The following AOPEP variants were observed in gnomAD, a reference collection of about 807,000 sequenced individuals.
AOPEP encodes the protein aminopeptidase O.
A neutral mutation model predicts 98.1 loss-of-function variants in AOPEP; 77 were observed. The ratio of observed to expected loss-of-function variants is 0.78; its 90% CI spans 0.65 to 0.95. AOPEP has a LOEUF of 0.95. Ranked by LOEUF, AOPEP falls within the 40% of genes least tolerant of loss-of-function variation. The pLI, the probability that AOPEP is intolerant of heterozygous loss-of-function variation, is 0.00. For missense variants in AOPEP, 1,024 were observed against 1,024.7 expected, an observed-to-expected ratio of 1.00 and a Z score of 0.01; for synonymous variants, 346 against 365.3, an observed-to-expected ratio of 0.95 and a Z score of 0.60.
intron 2 of AOPEP, among the ~76,000 whole-genome samples, chr9:94,770,907 A>T (rs1840716675): frequency 6.6e-6 from 1 of 152,150 alleles, no homozygotes. Flanking sequence ...GGGGTTGTAA[A>T]TATTGGAGGC....
chr9:94,898,031 G>A (rs1375864300), intron 5 of AOPEP, among the ~76,000 whole-genome samples: 1 of 151,726 alleles, frequency 6.6e-6, no homozygotes, highest in Non-Finnish European at 1.5e-5. Context: ...GTAAAGATGG[G>A]GTTTCACCAT....
chr9:94,757,883 A>G (rs1242740670), intron 1 of AOPEP, among the ~76,000 whole-genome samples: 1 of 152,210 alleles, frequency 6.6e-6, no homozygotes. Context: ...TTCTGATTAC[A>G]TAGAAATAGC....
chr9:95,102,486 T>C, the AOPEP span, among the ~76,000 whole-genome samples: 2 of 152,148 alleles, frequency 1.3e-5, no homozygotes, highest in African/African-American at 4.8e-5. Flanking sequence ...AATTTAGCTG[T>C]GTGGGGAATT....
chr9:95,056,075 A>G (rs2066790978), intron 13 of AOPEP, among the ~76,000 whole-genome samples: 2 of 152,208 alleles, frequency 1.3e-5, no homozygotes, highest in African/African-American at 4.8e-5. Context: ...TTGAAGTGAC[A>G]TCATATGTAT....
At chr9:95,124,969 T>C in the AOPEP span, 1 of 882,008 alleles carries the variant, frequency 1.1e-6, no homozygotes, top group Non-Finnish European at 1.8e-6. Flanking sequence ...TAGGAACCTT[T>C]CTTTGTGAGC....
chr9:94,951,035 A>C (rs929727546), intron 7 of AOPEP, among the ~76,000 whole-genome samples: 8 of 152,236 alleles, frequency 5.3e-5, no homozygotes, highest in African/African-American at 1.9e-4. Context: ...GTGGAAAAGG[A>C]AGGCGTGGGG....
chr9:94,967,470 T>C (rs976153571), intron 9 of AOPEP, among the ~76,000 whole-genome samples: 6 of 152,176 alleles, frequency 3.9e-5, no homozygotes, highest in African/African-American at 1.4e-4. Flanking sequence ...GGCCAGCCTT[T>C]TGAAAATGGC....
At chr9:94,976,999 G>A (rs2059890542) in intron 10 of AOPEP, among the ~76,000 whole-genome samples, 1 of 152,166 alleles carries the variant, frequency 6.6e-6, no homozygotes, top group Non-Finnish European at 1.5e-5. Context: ...GCTTTCCTGA[G>A]GATCGCTTGA....
chr9:94,981,716 T>G (rs569085104), intron 11 of AOPEP, among the ~76,000 whole-genome samples: 5 of 152,250 alleles, frequency 3.3e-5, no homozygotes, highest in African/African-American at 1.2e-4. Context: ...TCCCCATCAT[T>G]ATAATATAAA....
At chr9:94,834,772 A>G (rs1360716823) in intron 5 of AOPEP, among the ~76,000 whole-genome samples, 3 of 152,026 alleles carry the variant, frequency 2.0e-5, no homozygotes, top group African/African-American at 7.3e-5. Flanking sequence ...CAGCCTGGGC[A>G]ACAGAGCGAG....
intron 1 of AOPEP, among the ~76,000 whole-genome samples, chr9:94,730,701 G>T (rs935987098): frequency 6.6e-6 from 1 of 152,100 alleles, no homozygotes; most frequent in African/African-American, 2.4e-5. Flanking sequence ...GGATGAAATA[G>T]TTGCCTAAAT....
intron 5 of AOPEP, among the ~76,000 whole-genome samples, chr9:94,859,483 A>G (rs911726072): frequency 2.6e-5 from 4 of 152,124 alleles, no homozygotes; most frequent in African/African-American, 9.7e-5. Flanking sequence ...CTAACTCAAG[A>G]TCCTTATTAA....
chr9:95,070,829 T>C (rs1213297436), intron 14 of AOPEP, among the ~76,000 whole-genome samples: 2 of 152,224 alleles, frequency 1.3e-5, no homozygotes, highest in Admixed American at 1.3e-4. Context: ...AACTAGGAGA[T>C]GTGGACGCGT....
At chr9:94,765,717 AT>A (rs1198733245) in intron 2 of AOPEP, among the ~76,000 whole-genome samples, 2 of 152,166 alleles carry the variant, frequency 1.3e-5, no homozygotes, top group African/African-American at 4.8e-5. Flanking sequence ...AGAAGAAAAC[AT>A]ATTTGAAGCT....
chr9:94,836,840 T>C (rs1588467047), intron 5 of AOPEP, among the ~76,000 whole-genome samples: 1 of 152,226 alleles, frequency 6.6e-6, no homozygotes. Flanking sequence ...TGCTTTATAA[T>C]TAGAACTAAT....
chr9:94,819,977 G>A (rs1309619994), intron 5 of AOPEP, among the ~76,000 whole-genome samples: 1 of 125,552 alleles, frequency 8.0e-6, no homozygotes, highest in East Asian at 2.4e-4. Flanking sequence ...ATGGAGTCTC[G>A]CTTTGTCACC....
the AOPEP span, chr9:95,123,883 A>C: frequency 1.9e-6 from 1 of 535,876 alleles, no homozygotes; most frequent in Non-Finnish European, 3.5e-6. Context: ...TTGAGTCCTT[A>C]AAGTCTGAAG....
At chr9:94,746,001 G>C (rs1332499332) in intron 1 of AOPEP, among the ~76,000 whole-genome samples, 1 of 152,154 alleles carries the variant, frequency 6.6e-6, no homozygotes, top group African/African-American at 2.4e-5. Flanking sequence ...GTACGACAGG[G>C]GTTCCCCTTT....
chr9:95,049,762 G>T (rs2066177599), intron 13 of AOPEP, among the ~76,000 whole-genome samples: 1 of 152,156 alleles, frequency 6.6e-6, no homozygotes, highest in Non-Finnish European at 1.5e-5. Flanking sequence ...TTGCTAGAAA[G>T]CACATCTTAG....
Sources: gnomAD v4.1 joint callset for allele counts (sites outside exome capture counted in the v4.1 genomes callset) on GRCh38, gnomAD v4.1.1 for gene constraint, MANE v1.5 for transcripts, NCBI Gene and HGNC (gene_info 2026-07-23, HGNC 2026-07-21) for gene names.